The following KRIT1 variants were observed in gnomAD, a reference collection of about 807,000 sequenced individuals.
KRIT1 encodes krev interaction trapped protein 1.
A neutral mutation model predicts 95.8 loss-of-function variants in KRIT1; 45 were observed. The ratio of observed to expected loss-of-function variants is 0.47; its 90% CI spans 0.37 to 0.60. KRIT1 has a LOEUF of 0.60. Among genes scored for constraint, KRIT1 ranks in the 20% least tolerant of loss-of-function variants. KRIT1 has a pLI of 0.00. For missense variants in KRIT1, 788 were observed against 877.5 expected, an observed-to-expected ratio of 0.90 and a Z score of 1.29; for synonymous variants, 282 against 278.8, an observed-to-expected ratio of 1.01 and a Z score of -0.11.
At chr7:92,241,892 A>G in intron 4 of KRIT1, 142 bp downstream of exon 4, 1 of 590,986 alleles carries the variant, frequency 1.7e-6, no homozygotes, top group Non-Finnish European at 3.0e-6. Context: ...CACGTGGCAG[A>G]AAAAAGACAA....
intron 10 of KRIT1, among the ~76,000 whole-genome samples, chr7:92,227,084 A>C (rs1796350498): frequency 6.6e-6 from 1 of 152,244 alleles, no homozygotes; most frequent in Admixed American, 6.5e-5. Flanking sequence ...GCTGTTTACA[A>C]AATAGGCCCA....
At chr7:92,230,079 T>A (rs1418771252) in intron 10 of KRIT1, among the ~76,000 whole-genome samples, 1 of 152,162 alleles carries the variant, frequency 6.6e-6, no homozygotes, top group East Asian at 1.9e-4. Flanking sequence ...GAAGTAATAA[T>A]AAAAATAATA....
intron 17 of KRIT1, among the ~76,000 whole-genome samples, chr7:92,209,913 GA>G (rs966044837): frequency 6.1e-5 from 9 of 147,532 alleles, no homozygotes; most frequent in Admixed American, 1.4e-4. Flanking sequence ...AAATACAAAA[GA>G]AAAAAAAAAT....
chr7:92,222,073 T>C lies in KRIT1; in HGVS notation c.1412-20A>G. On this transcript the variant is annotated intron_variant, in intron 13 of 18. Transcript: ENST00000394505. The stretch of plus-strand genomic sequence containing the variant: ...GAAGGCCTGAAAAACATCATTCCTT[T>C]TATAAATGATAATGTAAAAAGTCAA... 1 of 1,598,620 alleles carries C rather than the reference T, an allele frequency of 6.3e-7. No homozygotes were observed. Among genetic ancestry groups the C allele is most frequent in the Non-Finnish European group, 8.6e-7 (1 of 1,166,054 alleles).
intron 14 of KRIT1, among the ~76,000 whole-genome samples, chr7:92,218,644 T>C (rs1051951067): frequency 1.3e-5 from 2 of 152,134 alleles, no homozygotes; most frequent in African/African-American, 4.8e-5. Context: ...CCTCCCAAAG[T>C]GCTGAGATTA....
In KRIT1 at chr7:92,235,560, A is replaced by C. The variant is rs1293261828; in HGVS notation, c.572T>G (p.Ile191Arg). 6.2e-7 allele frequency: 1 copy of C among 1,613,986 alleles called. No homozygotes were observed. Among genetic ancestry groups the C allele is most frequent in the Non-Finnish European group, 8.5e-7 (1 of 1,179,916 alleles). Residue 191 changes from isoleucine to arginine, a missense_variant, in exon 8 of 19, where the codon ATA becomes AGA. Physicochemically the swap from Ile to Arg is moderately conservative, Grantham distance 97. Transcript: ENST00000394505. Reference protein sequence around the residue: ...SPLERIKTNVINPAYATESGQ... With the variant: ...SPLERIKTNVRNPAYATESGQ... Reference sequence around the variant, plus strand: ...TGATTCAGTAGCATATGCAGGATTTATGACATTAGTTTTTATCCGCTCAAG... The same window carrying C: ...TGATTCAGTAGCATATGCAGGATTTCTGACATTAGTTTTTATCCGCTCAAG...
chr7:92,219,420 T>C (rs1005551390), intron 14 of KRIT1, among the ~76,000 whole-genome samples: 1 of 152,246 alleles, frequency 6.6e-6, no homozygotes, highest in East Asian at 1.9e-4. Flanking sequence ...TAGATGAACC[T>C]GGTAGCCTTG....
At chr7:92,207,263 T>C (rs184680035) in intron 17 of KRIT1, among the ~76,000 whole-genome samples, 1 of 151,986 alleles carries the variant, frequency 6.6e-6, no homozygotes, top group African/African-American at 2.4e-5. Flanking sequence ...ATAAGATAAA[T>C]GCATCAGGTC....
rs139603691 is a variant in KRIT1, at chr7:92,240,388, G to A, written c.262+605C>T. Among the ~76,000 whole-genome samples, 48 of 152,284 alleles carry A rather than the reference G, an allele frequency of 3.2e-4. No individual in the cohort carries two copies. The East Asian group carries it at 8.9e-3, about 28-fold the overall frequency. Reference sequence around the variant, plus strand: ...AACTGTTTTCTACTGCTGCTTGACTGAATTGGTTTTACTTTTTAAATTGTA... The same window carrying A: ...AACTGTTTTCTACTGCTGCTTGACTAAATTGGTTTTACTTTTTAAATTGTA... On this transcript the variant is annotated intron_variant, in intron 5 of 18. Coordinates refer to ENST00000394505, the MANE Select transcript of KRIT1 (RefSeq NM_194454.3).
At chr7:92,214,138 C>A (rs1177874474) in intron 15 of KRIT1, among the ~76,000 whole-genome samples, 159 bp from the exon 16 acceptor site, 1 of 151,996 alleles carries the variant, frequency 6.6e-6, no homozygotes, top group Non-Finnish European at 1.5e-5. Flanking sequence ...AAGCAAAAAG[C>A]CACAAATCTC....
At chr7:92,226,314 T>TA (rs200972364) in intron 11 of KRIT1, among the ~76,000 whole-genome samples, 7 of 149,626 alleles carry the variant, frequency 4.7e-5, no homozygotes, top group Non-Finnish European at 7.4e-5. Flanking sequence ...TTAAAAAATC[T>TA]AAAAAAAAAA....
rs752068143 is a variant in KRIT1, at chr7:92,213,365, G to T, written c.1855C>A (p.His619Asn). The T allele has an allele frequency of 2.5e-6, 4 of 1,612,774 alleles. No homozygotes were observed. Among genetic ancestry groups the T allele is most frequent in the Non-Finnish European group, 3.4e-6 (4 of 1,178,928 alleles). ...TGTAAGAACATGCGCTGAAGGTGAT[G>T]CATTTCTTTACTGACACCTTCACTT... ...STSEGVSKEM[H>N]HLQRMFLQNC... The change falls in exon 17 of 19, where the codon CAT (histidine) becomes AAT (asparagine). Residue 619 changes from histidine (H) to asparagine (N), a missense_variant. By Grantham distance (68) the His-to-Asn change is moderately conservative. Around this residue, in one of 3 missense-constraint regions of KRIT1, gnomAD observed 493 missense variants for 582.3 expected, o/e 0.85. Transcript: ENST00000394505.
In KRIT1 at chr7:92,235,016, T is replaced by C. The variant is rs73407587; in HGVS notation, c.730-93A>G. 9,192 of 717,172 alleles carry C rather than the reference T, an allele frequency of 0.013. 386 individuals are homozygous for C. Among genetic ancestry groups the C allele is most frequent in the African/African-American group, 0.11 (6,506 of 57,000 alleles). 44.4% of individuals were successfully genotyped at this position (717,172 alleles called of 1,614,324 possible). A position where few individuals can be genotyped will look rare whatever the true frequency, so the allele number is the denominator to read the frequency against. On this transcript the variant is annotated intron_variant, in intron 8 of 18. Transcript: ENST00000394505. ...TTTTAAATTTTTACTTATTTATTTA[T>C]TGAGAATGAGTCTTGCTCTGTTGCC...
intron 4 of KRIT1, 109 bp downstream of exon 4, chr7:92,241,922 AAAT>A: frequency 2.9e-6 from 2 of 693,050 alleles, no homozygotes; most frequent in East Asian, 5.3e-5. Context: ...CAGAGACCTA[AAAT>A]AATTGGCTTG....
At chr7:92,200,829 TAA>T (rs1789973184) in intron 18 of KRIT1, 25 bp from the exon 19 acceptor site, 4 of 1,498,746 alleles carry the variant, frequency 2.7e-6, no homozygotes, top group Non-Finnish European at 3.7e-6. Flanking sequence ...ATGTCAATAA[TAA>T]ATATAAAACA....
At chr7:92,234,355 T>C (rs1797953891) in intron 10 of KRIT1, 94 bp downstream of exon 10, 1 of 996,498 alleles carries the variant, frequency 1.0e-6, no homozygotes, top group Middle Eastern at 2.9e-4. Flanking sequence ...AGAGAAAAAG[T>C]ATTTGGAATG....
intron 10 of KRIT1, among the ~76,000 whole-genome samples, chr7:92,232,330 T>G (rs1168062025): frequency 1.3e-5 from 2 of 152,176 alleles, no homozygotes; most frequent in African/African-American, 4.8e-5. Context: ...GTACCATTTT[T>G]AAGCCCATCT....
At chr7:92,238,641 G>A (rs143324520) in intron 5 of KRIT1, among the ~76,000 whole-genome samples, 23 of 152,066 alleles carry the variant, frequency 1.5e-4, no homozygotes, top group African/African-American at 4.3e-4. Flanking sequence ...TTGAAGTCTC[G>A]TTTCTACTTA....
At chr7:92,222,369 T>C (rs180780429) in intron 13 of KRIT1, among the ~76,000 whole-genome samples, 6 of 152,314 alleles carry the variant, frequency 3.9e-5, no homozygotes, top group African/African-American at 1.4e-4. Context: ...AGCCATTAAA[T>C]AACCAATCAC....
Sources: gnomAD v4.1 joint callset for allele counts (sites outside exome capture counted in the v4.1 genomes callset) on GRCh38, gnomAD v4.1.1 for gene constraint, gnomAD v4.1.1 regional missense constraint, MANE v1.5 for transcripts, NCBI Gene and HGNC (gene_info 2026-07-23, HGNC 2026-07-21) for gene names.